The following DGLUCY variants were observed in gnomAD, a reference collection of about 807,000 sequenced individuals.
DGLUCY encodes the protein D-glutamate cyclase, mitochondrial.
DGLUCY carries 58 observed loss-of-function variants against 58.5 expected under a neutral mutation model. That is an observed-to-expected ratio of 0.99 (90% CI 0.80 to 1.23). The LOEUF (loss-of-function observed/expected upper bound fraction) is 1.23, where lower values mean the gene tolerates loss of function less well. Among genes scored for constraint, DGLUCY ranks in the 50% most tolerant of loss-of-function variants. The pLI, the probability that DGLUCY is intolerant of heterozygous loss-of-function variation, is 0.00. For synonymous variants in DGLUCY, 325 were observed against 314.1 expected, an observed-to-expected ratio of 1.03 and a Z score of -0.37; for missense variants, 779 against 784.7, an observed-to-expected ratio of 0.99 and a Z score of 0.09.
At chr14:91,203,961 GC>G (rs1167774838) in intron 11 of DGLUCY, among the ~76,000 whole-genome samples, 1 of 152,240 alleles carries the variant, frequency 6.6e-6, no homozygotes, top group Non-Finnish European at 1.5e-5. Flanking sequence ...ACAGGCATGA[GC>G]CACTGCACCC....
At chr14:91,132,289 G>T (rs941549053) in intron 1 of DGLUCY, among the ~76,000 whole-genome samples, 6 of 152,050 alleles carry the variant, frequency 3.9e-5, no homozygotes, top group Non-Finnish European at 5.9e-5. Flanking sequence ...TATGGGCAGG[G>T]TGTGGTACCT....
chr14:91,134,035 A>T (rs576962518), intron 1 of DGLUCY, among the ~76,000 whole-genome samples: 1 of 152,204 alleles, frequency 6.6e-6, no homozygotes, highest in African/African-American at 2.4e-5. Context: ...ACTCCATCTT[A>T]ATTACCATAG....
At chr14:91,187,278 G>A (rs1026991598) in intron 8 of DGLUCY, among the ~76,000 whole-genome samples, 12 of 152,128 alleles carry the variant, frequency 7.9e-5, no homozygotes, top group Middle Eastern at 3.2e-3. Flanking sequence ...GATTACAGGC[G>A]TGAGCCACCC....
At chr14:91,169,615 G>C (rs1307764449) in intron 4 of DGLUCY, among the ~76,000 whole-genome samples, 1 of 151,748 alleles carries the variant, frequency 6.6e-6, no homozygotes, top group Admixed American at 6.6e-5. Flanking sequence ...TCACCTTGTT[G>C]CCCAGGCTTG....
At chr14:91,120,596 G>C (rs80251958) in intron 1 of DGLUCY, among the ~76,000 whole-genome samples, 1 of 152,052 alleles carries the variant, frequency 6.6e-6, no homozygotes, top group South Asian at 2.1e-4. Flanking sequence ...ATTTTTAGTA[G>C]AGACAGCATT....
At chr14:91,166,583 T>C (rs1379907017) in intron 3 of DGLUCY, among the ~76,000 whole-genome samples, 3 of 151,986 alleles carry the variant, frequency 2.0e-5, no homozygotes, top group Non-Finnish European at 4.4e-5. Flanking sequence ...GAGAATCACT[T>C]GAACCCAGGA....
intron 13 of DGLUCY, among the ~76,000 whole-genome samples, chr14:91,222,054 C>T (rs1381504157): frequency 1.3e-5 from 2 of 152,222 alleles, no homozygotes; most frequent in African/African-American, 4.8e-5. Context: ...CTCTCCCTCA[C>T]TTGGGTCCTC....
At chr14:91,076,378 A>C (rs1466456050) in intron 1 of DGLUCY, among the ~76,000 whole-genome samples, 2 of 152,182 alleles carry the variant, frequency 1.3e-5, no homozygotes, top group Admixed American at 6.5e-5. Context: ...TACTTATAAT[A>C]CCTAATACAG....
chr14:91,219,692 C>T (rs902163917), intron 13 of DGLUCY, among the ~76,000 whole-genome samples: 2 of 152,162 alleles, frequency 1.3e-5, no homozygotes, highest in African/African-American at 4.8e-5. Context: ...GGCCCTTGGC[C>T]CAGGGGCACC....
At chr14:91,121,801 A>G (rs1453514704) in intron 1 of DGLUCY, among the ~76,000 whole-genome samples, 1 of 151,882 alleles carries the variant, frequency 6.6e-6, no homozygotes, top group Non-Finnish European at 1.5e-5. Context: ...GAGCAGGGGG[A>G]AAAAAATGAC....
rs1016447317 is a variant in DGLUCY, at chr14:91,108,565, G to T, written c.-82+504G>T. 1.4e-5 allele frequency among the ~76,000 whole-genome samples: 2 copies of T among 147,960 alleles called. 1 individual carries two copies. Among genetic ancestry groups the T allele is most frequent in the East Asian group, 4.0e-4 (2 of 5,060 alleles). On this transcript the variant is annotated intron_variant, in intron 1 of 4. Coordinates refer to the DGLUCY transcript ENST00000518871. ...AGAGAGAGAGAGAGAGAGAGACAGA[G>T]TTTTGCTCTGTCACCCAGGCTGGAG...
At chr14:91,061,056 A>G (rs2140004719) in intron 1 of DGLUCY, among the ~76,000 whole-genome samples, 1 of 152,260 alleles carries the variant, frequency 6.6e-6, no homozygotes, top group African/African-American at 2.4e-5. Flanking sequence ...TACTGCCGAA[A>G]GAGGCGGGGA....
At position 91,161,272 on chromosome 14, in the gene DGLUCY, G is replaced by A. The variant is rs576299479; in HGVS notation, c.103+875G>A. Among the ~76,000 whole-genome samples the A allele has an allele frequency of 3.2e-3, 488 of 152,260 alleles. 4 individuals are homozygous for A. The highest frequency in any genetic ancestry group is 0.01 in the African/African-American group (428 of 41,560). Reference sequence around the variant, plus strand: ...TTTTTAGTAGAGACGGGGTTTCACCGTGTTAGCCAGGATGGTCTCCATCTC... The same window carrying A: ...TTTTTAGTAGAGACGGGGTTTCACCATGTTAGCCAGGATGGTCTCCATCTC... On this transcript the variant is annotated intron_variant, in intron 3 of 13. Coordinates refer to ENST00000256324, the MANE Select transcript of DGLUCY (RefSeq NM_001102368.3).
At chr14:91,072,674 A>G (rs2043942877) in intron 1 of DGLUCY, among the ~76,000 whole-genome samples, 1 of 150,930 alleles carries the variant, frequency 6.6e-6, no homozygotes, top group Non-Finnish European at 1.5e-5. Context: ...ACAAAAAACA[A>G]AACTTCCTCA....
chr14:91,110,631 A>T (rs1369439225), upstream of DGLUCY, among the ~76,000 whole-genome samples: 2 of 151,844 alleles, frequency 1.3e-5, no homozygotes, highest in Non-Finnish European at 2.9e-5. Context: ...AGGGTACTCC[A>T]TGTTGGCCAG....
At chr14:91,105,863 A>G (rs1423372791), upstream of DGLUCY, among the ~76,000 whole-genome samples, 1 of 152,176 alleles carries the variant, frequency 6.6e-6, no homozygotes, top group Non-Finnish European at 1.5e-5. Flanking sequence ...CATCTAGGCT[A>G]TATGATATGG....
At chr14:91,138,771 C>T (rs2046482282) in intron 1 of DGLUCY, among the ~76,000 whole-genome samples, 2 of 152,030 alleles carry the variant, frequency 1.3e-5, no homozygotes, top group Non-Finnish European at 2.9e-5. Flanking sequence ...ACACATGGTC[C>T]CTTCCTCATC....
intron 5 of DGLUCY, among the ~76,000 whole-genome samples, chr14:91,172,078 T>C (rs2140407407): frequency 6.6e-6 from 1 of 152,316 alleles, no homozygotes. Context: ...TTTATTTTTA[T>C]TTTTATTTTT....
intron 4 of DGLUCY, 38 bp from the exon 5 acceptor site, chr14:91,169,965 A>G: frequency 6.3e-7 from 1 of 1,577,304 alleles, no homozygotes; most frequent in South Asian, 1.1e-5. Context: ...CCACAGTGAG[A>G]GTCTGGGGCC....
Sources: gnomAD v4.1 joint callset for allele counts (sites outside exome capture counted in the v4.1 genomes callset) on GRCh38, gnomAD v4.1.1 for gene constraint, MANE v1.5 for transcripts, NCBI Gene and HGNC (gene_info 2026-07-23, HGNC 2026-07-21) for gene names.